TBCD: variants seen among roughly 807,000 people sequenced by gnomAD.
TBCD encodes tubulin-specific chaperone D.
Under a neutral mutation model 169.3 loss-of-function variants are expected in TBCD, and 105 were observed. The ratio of observed to expected loss-of-function variants is 0.62; its 90% confidence interval spans 0.53 to 0.73. The LOEUF is 0.73. Ranked by LOEUF, TBCD falls within the 30% of genes least tolerant of loss-of-function variation. TBCD has a pLI of 0.00. For synonymous variants in TBCD, 700 were observed against 643.9 expected, an observed-to-expected ratio of 1.09 and a Z score of -1.32; for missense variants, 1,444 against 1,600.1, an observed-to-expected ratio of 0.90 and a Z score of 1.66.
chr17:82,891,371 G>T (rs545909779), intron 16 of TBCD, among the ~76,000 whole-genome samples: 13 of 152,400 alleles, frequency 8.5e-5, no homozygotes, highest in African/African-American at 2.6e-4. Context: ...AGCCTGAGCA[G>T]TGTGAGTCTC....
chr17:82,838,673 C>T (rs1228144460), intron 13 of TBCD: 1 of 985,344 alleles, frequency 1.0e-6, no homozygotes, highest in South Asian at 4.7e-5. Flanking sequence ...CCACTCCCTC[C>T]CAGCCTTTCG....
In TBCD at chr17:82,831,990, G is replaced by A. The variant is rs1369500800; in HGVS notation, c.1318+17056G>A. 5.0e-6 allele frequency: 8 copies of A among 1,612,804 alleles called. No homozygotes were observed. Among genetic ancestry groups the A allele is most frequent in the East Asian group, 4.5e-5 (2 of 44,866 alleles). On this transcript the variant is annotated intron_variant, in intron 13 of 38. Coordinates refer to ENST00000355528, the MANE Select transcript of TBCD (RefSeq NM_005993.5). The surrounding 1 kb of genome is among the most constrained non-coding windows in gnomAD (Gnocchi z 4.6). ...GAACAAATGCAGAAGGCCGAGCTGC[G>A]CCTTCCAGAGCAGGCTGGGCACCGA...
In TBCD at chr17:82,922,271, G is replaced by T. The variant is rs534529188; in HGVS notation, c.2178+694G>T. ...AGCTACTCAAGAGGCTGAGGCAGGA[G>T]AATTGCTTGAACTTGGGAGGCGAAG... On this transcript the variant is annotated intron_variant, in intron 25 of 38. Transcript: ENST00000355528. The surrounding 1 kb of genome is among the most constrained non-coding windows in gnomAD (Gnocchi z 4.1). Among the ~76,000 whole-genome samples the T allele has an allele frequency of 7.9e-5, 12 of 152,296 alleles. No individual in the cohort carries two copies. Among genetic ancestry groups the T allele is most frequent in the East Asian group, 5.8e-4 (3 of 5,186 alleles).
intron 35 of TBCD, 115 bp from the exon 36 acceptor site, chr17:82,937,934 T>TC: frequency 6.5e-7 from 1 of 1,544,430 alleles, no homozygotes; most frequent in Non-Finnish European, 8.7e-7. Flanking sequence ...AGGCCCGCAC[T>TC]GTGCTCACGG....
intron 13 of TBCD, chr17:82,859,489 A>T (rs986510173): frequency 3.2e-6 from 3 of 949,062 alleles, no homozygotes; most frequent in African/African-American, 1.8e-5. Flanking sequence ...CTACACTCAC[A>T]CACTGGCTTT....
intron 30 of TBCD, among the ~76,000 whole-genome samples, chr17:82,928,634 C>G (rs958438847): frequency 6.6e-6 from 1 of 152,054 alleles, no homozygotes; most frequent in Non-Finnish European, 1.5e-5. Context: ...TGCTGTCAGT[C>G]TCTCTGTCAG....
intron 36 of TBCD, 61 bp from the exon 37 acceptor site, chr17:82,939,306 G>A (rs978691646): frequency 2.8e-5 from 39 of 1,391,946 alleles, no homozygotes; most frequent in Admixed American, 9.6e-5. Flanking sequence ...GGGTCCTGTC[G>A]TCTCTCCGGG....
At chr17:82,937,592 C>T (rs577679450) in intron 35 of TBCD, 9 of 604,570 alleles carry the variant, frequency 1.5e-5, no homozygotes, top group South Asian at 1.0e-4. Flanking sequence ...CTGCTGCCCT[C>T]GCGCTCTGCC....
At chr17:82,836,394 G>C (rs556163924) in intron 13 of TBCD, among the ~76,000 whole-genome samples, 2 of 152,370 alleles carry the variant, frequency 1.3e-5, no homozygotes, top group African/African-American at 4.8e-5. Flanking sequence ...GGAAGCATCA[G>C]GATCGAAACG....
chr17:82,941,367 C>G (rs150178222), intron 37 of TBCD, 32 bp from the exon 38 acceptor site: 17 of 1,546,872 alleles, frequency 1.1e-5, no homozygotes, highest in Middle Eastern at 1.7e-4. Context: ...GGTGGGCACT[C>G]GAGAGACTCA....
chr17:82,850,406 T>TTGTTGGCTGTGC (rs1417509331), intron 13 of TBCD, among the ~76,000 whole-genome samples: 22 of 149,380 alleles, frequency 1.5e-4, no homozygotes, highest in African/African-American at 4.7e-4. Flanking sequence ...GGCTGTGCTG[T>TTGTTGGCTGTGC]TGTTGGCTGT....
intron 13 of TBCD, among the ~76,000 whole-genome samples, chr17:82,818,140 A>G (rs1202865002): frequency 6.6e-6 from 1 of 152,244 alleles, no homozygotes; most frequent in African/African-American, 2.4e-5. Flanking sequence ...ATAAACGAAA[A>G]GGGTAAAGCT....
At chr17:82,888,911 G>A (rs1444487036) in intron 15 of TBCD, among the ~76,000 whole-genome samples, 1 of 152,218 alleles carries the variant, frequency 6.6e-6, no homozygotes, top group Non-Finnish European at 1.5e-5. Context: ...GGTGTGTGTG[G>A]TGTGGCCGTG....
intron 6 of TBCD, among the ~76,000 whole-genome samples, chr17:82,774,858 T>A (rs987020011): frequency 6.6e-6 from 1 of 152,242 alleles, no homozygotes; most frequent in Admixed American, 6.5e-5. Flanking sequence ...CTGAATGCAA[T>A]TACTGGAGAG....
intron 5 of TBCD, among the ~76,000 whole-genome samples, chr17:82,772,146 A>G (rs755240913): frequency 6.6e-6 from 1 of 152,128 alleles, no homozygotes; most frequent in African/African-American, 2.4e-5. Flanking sequence ...CTTTGTTACA[A>G]TTGGGTAACT....
intron 2 of TBCD, among the ~76,000 whole-genome samples, chr17:82,761,602 G>C (rs1325317947): frequency 6.6e-6 from 1 of 152,192 alleles, no homozygotes; most frequent in Admixed American, 6.6e-5. Flanking sequence ...GAATCATTCA[G>C]TATGTGCTCT....
chr17:82,855,886 A>G (rs758034804), intron 13 of TBCD, among the ~76,000 whole-genome samples: 17 of 151,678 alleles, frequency 1.1e-4, no homozygotes, highest in Non-Finnish European at 2.1e-4. Flanking sequence ...GGAGTCTGCA[A>G]TGCGTGACCC....
chr17:82,924,712 C>G (rs1645900340), intron 26 of TBCD, among the ~76,000 whole-genome samples: 1 of 152,138 alleles, frequency 6.6e-6, no homozygotes, highest in South Asian at 2.1e-4. Flanking sequence ...AAGCTTGCAC[C>G]ACGGCACTCC....
intron 13 of TBCD, among the ~76,000 whole-genome samples, chr17:82,852,463 A>G (rs1183842431): frequency 2.6e-5 from 4 of 152,080 alleles, no homozygotes; most frequent in South Asian, 2.1e-4. Context: ...TCGAGGTGCC[A>G]GCAGGCTCGG....
Sources: gnomAD v4.1 joint callset for allele counts (sites outside exome capture counted in the v4.1 genomes callset) on GRCh38, gnomAD v4.1.1 for gene constraint, Gnocchi (gnomAD v3.1) non-coding constraint, MANE v1.5 for transcripts, NCBI Gene and HGNC (gene_info 2026-07-23, HGNC 2026-07-21) for gene names.